The following CASK variants were observed in gnomAD, a reference collection of about 807,000 sequenced individuals.
CASK encodes calcium/calmodulin dependent serine protein kinase.
In CASK, 4 loss-of-function variants were observed where a neutral mutation model predicts 82.9. The ratio of observed to expected loss-of-function variants is 0.05; its 90% CI spans 0.02 to 0.11. The LOEUF (loss-of-function observed/expected upper bound fraction) is 0.11. Among genes scored for constraint, CASK ranks in the 10% least tolerant of loss-of-function variants. CASK has a pLI of 1.00. For synonymous variants in CASK, 259 were observed against 253.5 expected, an observed-to-expected ratio of 1.02 and a Z score of -0.20; for missense variants, 358 against 720.9, an observed-to-expected ratio of 0.50 and a Z score of 5.76.
intron 2 of CASK, among the ~76,000 whole-genome samples, chrX:41,844,063 A>T (rs1214247114): frequency 9.0e-6 from 1 of 111,722 alleles, no homozygotes; most frequent in Admixed American, 9.5e-5. Context: ...TGGCTGGGTC[A>T]TATAACCTTA....
At chrX:41,763,429 AGGTG>A (rs2069042596) in intron 3 of CASK, among the ~76,000 whole-genome samples, 1 of 111,155 alleles carries the variant, frequency 9.0e-6, no homozygotes, top group African/African-American at 3.3e-5. Flanking sequence ...TGGGAGGCGG[AGGTG>A]GGTGGATCGC....
At chrX:41,634,571 T>C (rs2066523690) in intron 9 of CASK, among the ~76,000 whole-genome samples, 1 of 112,539 alleles carries the variant, frequency 8.9e-6, no homozygotes, top group Non-Finnish European at 1.9e-5. Flanking sequence ...AAGTACAGCA[T>C]GTGTTTCTTG....
chrX:41,676,930 T>C (rs989757835), intron 5 of CASK, among the ~76,000 whole-genome samples: 1 of 111,836 alleles, frequency 8.9e-6, no homozygotes, highest in Admixed American at 9.5e-5. Flanking sequence ...ATTAGTTTTC[T>C]GGTCTGAGCA....
chrX:41,611,740 T>A (rs2147284694), intron 11 of CASK, among the ~76,000 whole-genome samples: 1 of 103,403 alleles, frequency 9.7e-6, no homozygotes, highest in South Asian at 4.8e-4. Flanking sequence ...GGTCTCCCTC[T>A]GATGCCGAGC....
At chrX:41,726,895 TTTTA>T in intron 5 of CASK, 1 of 365,800 alleles carries the variant, frequency 2.7e-6, no homozygotes, top group Non-Finnish European at 4.7e-6. Context: ...TTTGTTACTA[TTTTA>T]TTTAATTCAA....
At chrX:41,762,229 T>G (rs1014845350) in intron 3 of CASK, among the ~76,000 whole-genome samples, 2 of 112,167 alleles carry the variant, frequency 1.8e-5, no homozygotes, top group African/African-American at 6.5e-5. Context: ...GGCTCTATAC[T>G]CAATAGAATT....
At chrX:41,886,874 A>C (rs2072058432) in intron 1 of CASK, among the ~76,000 whole-genome samples, 1 of 111,406 alleles carries the variant, frequency 9.0e-6, no homozygotes, top group African/African-American at 3.3e-5. Flanking sequence ...CTTTGACACC[A>C]GGCATATATA....
At chrX:41,734,255 T>C (rs1176789319) in intron 5 of CASK, among the ~76,000 whole-genome samples, 1 of 111,951 alleles carries the variant, frequency 8.9e-6, no homozygotes, top group African/African-American at 3.3e-5. Context: ...ATTAGAATTA[T>C]ACATGAGTAG....
intron 26 of CASK, among the ~76,000 whole-genome samples, chrX:41,521,214 T>C (rs981309655): frequency 1.8e-5 from 2 of 112,409 alleles, no homozygotes; most frequent in African/African-American, 3.2e-5. Context: ...CCTCACTCAA[T>C]AGCAGCTGAT....
intron 2 of CASK, among the ~76,000 whole-genome samples, chrX:41,850,966 T>C (rs1159377133): frequency 9.0e-6 from 1 of 111,180 alleles, no homozygotes; most frequent in Non-Finnish European, 1.9e-5. Flanking sequence ...GAAAAAAAGG[T>C]AGAGGTGGTG....
chrX:41,669,911 T>C (rs913272518), intron 6 of CASK, among the ~76,000 whole-genome samples: 1 of 111,629 alleles, frequency 9.0e-6, no homozygotes, highest in Non-Finnish European at 1.9e-5. Context: ...GGAAGTTAAC[T>C]TGGATAAGAC....
In CASK at chrX:41,900,716, T is replaced by G; in HGVS notation, c.59+22214A>C. Among the ~76,000 whole-genome samples, 2 of 105,675 alleles carry G rather than the reference T, an allele frequency of 1.9e-5. 1 individual carries two copies. Among genetic ancestry groups the G allele is most frequent in the East Asian group, 5.8e-4 (2 of 3,461 alleles). 91.8% of individuals were successfully genotyped at this position (105,675 alleles called of 115,157 possible). On this transcript the variant is annotated intron_variant, in intron 1 of 26. Transcript: ENST00000378163. ...TTAACTCACTGAACTTCTTTTAAGATGATTATTTGATTATTTTGAAATCTT... is the reference window on the plus strand; with the variant it reads ...TTAACTCACTGAACTTCTTTTAAGAGGATTATTTGATTATTTTGAAATCTT...
chrX:41,895,161 G>C (rs781748118), intron 1 of CASK, among the ~76,000 whole-genome samples: 3 of 111,179 alleles, frequency 2.7e-5, no homozygotes, highest in Non-Finnish European at 3.8e-5. Flanking sequence ...ACATTCATTT[G>C]AATAGCTCTT....
chrX:41,676,477 C>T, intron 5 of CASK: 7 of 1,195,576 alleles, frequency 5.9e-6, no homozygotes, highest in Non-Finnish European at 7.8e-6. Flanking sequence ...CCTTCTGAAC[C>T]AGCTCATTTT....
At chrX:41,739,663 T>C (rs987867242) in intron 4 of CASK, among the ~76,000 whole-genome samples, 1 of 112,342 alleles carries the variant, frequency 8.9e-6, no homozygotes. Flanking sequence ...AGAAATAGTA[T>C]GCTCTATATT....
intron 2 of CASK, among the ~76,000 whole-genome samples, chrX:41,814,195 A>G (rs1250940753): frequency 1.8e-5 from 2 of 112,008 alleles, no homozygotes; most frequent in African/African-American, 6.5e-5. Flanking sequence ...CGATTCCTCA[A>G]GGATCTAGAA....
intron 14 of CASK, among the ~76,000 whole-genome samples, chrX:41,581,591 A>G (rs925237600): frequency 1.8e-4 from 20 of 110,492 alleles, no homozygotes; most frequent in Admixed American, 2.9e-4. Flanking sequence ...AATAACTCCC[A>G]AACCTTGGCA....
At chrX:41,711,821 A>T (rs757373169) in intron 5 of CASK, among the ~76,000 whole-genome samples, 54 of 112,016 alleles carry the variant, frequency 4.8e-4, no homozygotes, top group African/African-American at 1.8e-3. Flanking sequence ...ACTGAGAGAG[A>T]CAAACCACCC....
rs926201636 is a variant in CASK at position 41,532,441 on chromosome X, G to A, written c.2318-1232C>T. The stretch of plus-strand genomic sequence containing the variant: ...CCTCACCTAAGTGAGTGTAACTGAA[G>A]TATATGCCAATAAGCTCTAGTTCTG... On this transcript the variant is annotated intron_variant, in intron 24 of 26. Coordinates refer to ENST00000378163, the MANE Select transcript of CASK (RefSeq NM_001367721.1). 2.3e-4 allele frequency among the ~76,000 whole-genome samples: 26 copies of A among 111,943 alleles called. No individual in the cohort carries two copies. In the Admixed American group the frequency reaches 2.4e-3, roughly 10 times the overall value.
Sources: allele counts gnomAD v4.1 joint callset (sites outside exome capture counted in the v4.1 genomes callset), GRCh38; gene constraint gnomAD v4.1.1; transcripts MANE v1.5; gene names NCBI Gene and HGNC (gene_info 2026-07-23, HGNC 2026-07-21).